Variants in GRID2 observed in about 807,000 individuals in gnomAD.
The protein encoded by GRID2 is glutamate receptor ionotropic, delta-2.
In GRID2, 33 loss-of-function variants were observed where a neutral mutation model predicts 114.8. The ratio of observed to expected loss-of-function variants is 0.29; its 90% CI spans 0.22 to 0.38. The LOEUF (loss-of-function observed/expected upper bound fraction) is 0.38, where lower values mean the gene tolerates loss of function less well. Ranked by LOEUF, GRID2 falls within the 10% of genes least tolerant of loss-of-function variation. GRID2 has a pLI of 1.00. For missense variants in GRID2, 1,184 were observed against 1,257.7 expected (o/e 0.94, Z 0.89); for synonymous variants, 505 against 449.9 (o/e 1.12, Z -1.55).
At chr4:92,941,146 C>T (rs1353817952) in intron 2 of GRID2, among the ~76,000 whole-genome samples, 1 of 152,178 alleles carries the variant, frequency 6.6e-6, no homozygotes, top group Non-Finnish European at 1.5e-5. Flanking sequence ...AGGAATGGTA[C>T]CAGCTCCTCC....
intron 2 of GRID2, among the ~76,000 whole-genome samples, chr4:92,818,021 C>A (rs563254095): frequency 1.3e-5 from 2 of 152,092 alleles, no homozygotes; most frequent in Middle Eastern, 6.3e-3. Context: ...CAATCATATT[C>A]ATGTGTGTGA....
intron 2 of GRID2, among the ~76,000 whole-genome samples, chr4:92,625,736 G>A (rs1281550172): frequency 1.3e-5 from 2 of 151,828 alleles, no homozygotes; most frequent in African/African-American, 4.8e-5. Context: ...AACGATGTCT[G>A]GTACAAAGTG....
chr4:93,253,733 T>G, intron 8 of GRID2, among the ~76,000 whole-genome samples: 1 of 152,152 alleles, frequency 6.6e-6, no homozygotes, highest in East Asian at 1.9e-4. Flanking sequence ...TATCAAAATT[T>G]CTGTCAAATT....
At chr4:92,617,211 GTT>G (rs1438164883) in intron 2 of GRID2, among the ~76,000 whole-genome samples, 2 of 150,660 alleles carry the variant, frequency 1.3e-5, no homozygotes. Flanking sequence ...AGTATCCTCA[GTT>G]CTACTTTTGT....
At chr4:93,723,482 G>A (rs1729570371) in intron 14 of GRID2, among the ~76,000 whole-genome samples, 1 of 152,200 alleles carries the variant, frequency 6.6e-6, no homozygotes, top group Non-Finnish European at 1.5e-5. Flanking sequence ...ATTGATGTTA[G>A]CTACACACAA....
chr4:92,592,282 C>T (rs1391762755), intron 2 of GRID2, among the ~76,000 whole-genome samples: 1 of 151,834 alleles, frequency 6.6e-6, no homozygotes, highest in African/African-American at 2.4e-5. Flanking sequence ...TGTGAATTAA[C>T]TTCAAAGACA....
intron 2 of GRID2, among the ~76,000 whole-genome samples, chr4:93,048,638 C>T (rs1312171700): frequency 1.3e-5 from 2 of 151,984 alleles, no homozygotes; most frequent in Admixed American, 6.6e-5. Flanking sequence ...TGTTCCTGTC[C>T]ACTTATTATA....
At chr4:93,534,235 C>G (rs904286859) in intron 13 of GRID2, among the ~76,000 whole-genome samples, 2 of 152,118 alleles carry the variant, frequency 1.3e-5, no homozygotes, top group Non-Finnish European at 2.9e-5. Context: ...GTTTCCATAG[C>G]ATATGTCACT....
At chr4:93,161,837 T>TA (rs1737712656) in intron 4 of GRID2, among the ~76,000 whole-genome samples, 2 of 151,864 alleles carry the variant, frequency 1.3e-5, no homozygotes, top group African/African-American at 4.8e-5. Flanking sequence ...TTTAAGTTTT[T>TA]ACCAATTATG....
chr4:93,166,746 A>G (rs1187624944), intron 4 of GRID2, among the ~76,000 whole-genome samples: 1 of 152,026 alleles, frequency 6.6e-6, no homozygotes, highest in Non-Finnish European at 1.5e-5. Context: ...ACCACCCTTA[A>G]TGTCTGTTCT....
intron 2 of GRID2, among the ~76,000 whole-genome samples, chr4:92,996,130 A>G (rs1439938921): frequency 6.6e-6 from 1 of 151,872 alleles, no homozygotes; most frequent in East Asian, 1.9e-4. Flanking sequence ...TCTCTACTAG[A>G]AATACAAAAA....
chr4:93,544,482 G>A (rs1732996257), intron 13 of GRID2, among the ~76,000 whole-genome samples: 1 of 151,828 alleles, frequency 6.6e-6, no homozygotes, highest in African/African-American at 2.4e-5. Flanking sequence ...CTTCATTTTA[G>A]AAATTAAGAA....
intron 2 of GRID2, among the ~76,000 whole-genome samples, chr4:92,685,878 C>G (rs1422716374): frequency 6.6e-6 from 1 of 152,030 alleles, no homozygotes; most frequent in South Asian, 2.1e-4. Context: ...AGTCCAACCC[C>G]TTCAGTAAAG....
chr4:92,833,363 T>C (rs1281066932), intron 2 of GRID2, among the ~76,000 whole-genome samples: 1 of 152,206 alleles, frequency 6.6e-6, no homozygotes, highest in African/African-American at 2.4e-5. Flanking sequence ...ACTTCATCCA[T>C]AAACCCCATC....
chr4:92,549,122 C>CAAAAAAAA, intron 1 of GRID2, among the ~76,000 whole-genome samples: 1 of 112,018 alleles, frequency 8.9e-6, no homozygotes, highest in Admixed American at 9.1e-5. Flanking sequence ...AGGTCTTCCG[C>CAAAAAAAA]AAAAAAAAAA....
chr4:92,741,921 G>A (rs1189575054), intron 2 of GRID2, among the ~76,000 whole-genome samples: 1 of 152,030 alleles, frequency 6.6e-6, no homozygotes, highest in African/African-American at 2.4e-5. Flanking sequence ...TGAGAAAAAT[G>A]CTATTTTACA....
At chr4:92,574,980 T>C (rs1473995101) in intron 1 of GRID2, among the ~76,000 whole-genome samples, 1 of 152,208 alleles carries the variant, frequency 6.6e-6, no homozygotes, top group African/African-American at 2.4e-5. Flanking sequence ...ATTCTGTCTC[T>C]TTAGATAATC....
chr4:93,578,930 T>C (rs1736705946), intron 13 of GRID2, among the ~76,000 whole-genome samples: 1 of 152,164 alleles, frequency 6.6e-6, no homozygotes, highest in African/African-American at 2.4e-5. Context: ...TCTTCCATAA[T>C]AGTTTTTCCT....
rs554420689 is a variant in GRID2 at position 92,825,641 on chromosome 4, T to A, written c.244+235355T>A. Among the ~76,000 whole-genome samples, 3 of 152,114 alleles carry A rather than the reference T, an allele frequency of 2.0e-5. No individual in the cohort carries two copies. In the South Asian group the frequency reaches 6.2e-4, roughly 32 times the overall value. On this transcript the variant is annotated intron_variant, in intron 2 of 15. Coordinates refer to ENST00000282020, the MANE Select transcript of GRID2 (RefSeq NM_001510.4). ...CCATTCACATATGGGTATTTAAAGGTGGATATTTTAGTAAGCTAGGTTGCA... is the reference window on the plus strand; with the variant it reads ...CCATTCACATATGGGTATTTAAAGGAGGATATTTTAGTAAGCTAGGTTGCA...
Sources: allele counts gnomAD v4.1 joint callset (sites outside exome capture counted in the v4.1 genomes callset), GRCh38; gene constraint gnomAD v4.1.1; transcripts MANE v1.5; gene names NCBI Gene and HGNC (gene_info 2026-07-23, HGNC 2026-07-21).